The following VEGFC variants were observed in gnomAD, a reference collection of about 807,000 sequenced individuals.
The protein encoded by VEGFC is FLT4 ligand DHM.
In VEGFC, 12 loss-of-function variants were observed where a neutral mutation model predicts 46.1. That is an observed-to-expected ratio of 0.26 (90% CI 0.17 to 0.42). The LOEUF is 0.42. Among genes scored for constraint, VEGFC ranks in the 10% least tolerant of loss-of-function variants. The probability of loss-of-function intolerance (pLI) is 1.00; values close to 1 mark genes in which losing one functional copy is unlikely to be tolerated. For missense variants in VEGFC, 488 were observed against 529.4 expected (o/e 0.92, Z 0.77); for synonymous variants, 232 against 195.5 (o/e 1.19, Z -1.56).
chr4:176,770,248 A>C (rs892553970), intron 1 of VEGFC, among the ~76,000 whole-genome samples: 4 of 152,208 alleles, frequency 2.6e-5, no homozygotes, highest in African/African-American at 9.6e-5. Flanking sequence ...TAATGACTTC[A>C]GTCAGTATTA....
intron 1 of VEGFC, among the ~76,000 whole-genome samples, chr4:176,740,518 G>GAGAGTATATATAACTATATATTCTATAT (rs1735154306): frequency 1.9e-4 from 4 of 21,420 alleles, no homozygotes; most frequent in East Asian, 0.028. Flanking sequence ...TCTATATATA[G>GAGAGTATATATAACTATATATTCTATAT]AGAGTATATA....
chr4:176,744,571 AG>A, intron 1 of VEGFC, among the ~76,000 whole-genome samples: 1 of 152,180 alleles, frequency 6.6e-6, no homozygotes, highest in South Asian at 2.1e-4. Context: ...CATTTAGCAG[AG>A]GAGATTTTGG....
At chr4:176,748,681 A>G (rs1019038958) in intron 1 of VEGFC, among the ~76,000 whole-genome samples, 4 of 152,148 alleles carry the variant, frequency 2.6e-5, no homozygotes, top group African/African-American at 9.6e-5. Flanking sequence ...TATTTCTGAT[A>G]GTAATCAGAA....
chr4:176,733,841 C>T (rs1037777949), intron 1 of VEGFC, among the ~76,000 whole-genome samples: 2 of 151,588 alleles, frequency 1.3e-5, no homozygotes, highest in Non-Finnish European at 3.0e-5. Context: ...AACTTAAACC[C>T]AAAGAAACTA....
In VEGFC at chr4:176,729,653, A is replaced by T. The variant is rs1209681794; in HGVS notation, c.241T>A (p.Tyr81Asn). Residue 81 changes from tyrosine (Y) to asparagine (N), a missense_variant, in exon 2 of 7, where the codon TAC becomes AAC. Physicochemically the swap from Tyr to Asn is moderately radical, Grantham distance 143. Transcript: ENST00000618562. ...CCTCCTTTCCTTAGCTGACACTTGT[A>T]CATTTTCCAATATTCTGGGTAGAGT... ...TVLYPEYWKM[Y>N]KCQLRKGGWQ... is the part of the protein sequence containing the mutation. The T allele has an allele frequency of 6.2e-7, 1 of 1,613,854 alleles. No homozygotes were observed. The highest frequency in any genetic ancestry group is 8.5e-7 in the Non-Finnish European group (1 of 1,179,898).
At chr4:176,750,065 AT>A (rs758074107) in intron 1 of VEGFC, among the ~76,000 whole-genome samples, 6 of 151,692 alleles carry the variant, frequency 4.0e-5, no homozygotes, top group East Asian at 1.9e-4. Context: ...AGAACTAGAG[AT>A]TTTTTTTATT....
intron 1 of VEGFC, among the ~76,000 whole-genome samples, chr4:176,784,756 CAAA>C (rs5864405): frequency 1.7e-4 from 4 of 23,002 alleles, no homozygotes; most frequent in African/African-American, 3.6e-4. Flanking sequence ...GAGTCTGTCT[CAAA>C]AAAAAAAAAA....
At chr4:176,730,459 AT>A (rs552607196) in intron 1 of VEGFC, among the ~76,000 whole-genome samples, 113 of 152,094 alleles carry the variant, frequency 7.4e-4, no homozygotes, top group Non-Finnish European at 1.4e-3. Context: ...AATAAATACA[AT>A]TTTTTTCTAA....
intron 1 of VEGFC, among the ~76,000 whole-genome samples, chr4:176,776,772 T>C (rs1374806597): frequency 6.6e-6 from 1 of 152,270 alleles, no homozygotes; most frequent in East Asian, 1.9e-4. Flanking sequence ...TAGAAAATTG[T>C]TAACATTCAT....
chr4:176,761,792 G>C (rs182532716), intron 1 of VEGFC, among the ~76,000 whole-genome samples: 158 of 152,276 alleles, frequency 1.0e-3, no homozygotes, highest in Admixed American at 0.01. Context: ...TAAAAAGGAA[G>C]TGCTTTCAGG....
intron 1 of VEGFC, among the ~76,000 whole-genome samples, chr4:176,767,223 C>T (rs1357169358): frequency 1.3e-5 from 2 of 150,812 alleles, no homozygotes; most frequent in African/African-American, 4.9e-5. Flanking sequence ...ACAAGCTTGT[C>T]AAAAGATGTC....
At chr4:176,685,176 T>C (rs1270902780) in intron 6 of VEGFC, among the ~76,000 whole-genome samples, 1 of 152,202 alleles carries the variant, frequency 6.6e-6, no homozygotes, top group East Asian at 1.9e-4. Flanking sequence ...TGACATTTCA[T>C]TTATTTGGCT....
chr4:176,715,036 T>G lies in VEGFC; in HGVS notation c.553-3386A>C, dbSNP rs115173295. On this transcript the variant is annotated intron_variant, in intron 3 of 6. Coordinates refer to ENST00000618562, the MANE Select transcript of VEGFC (RefSeq NM_005429.5). Reference sequence around the variant, plus strand: ...TTAGAGAACTGTCTTTTCCTCTAAGTTGAAGACTTTTATAAGTGGTAAAAT... The same window carrying G: ...TTAGAGAACTGTCTTTTCCTCTAAGGTGAAGACTTTTATAAGTGGTAAAAT... 7.1e-3 allele frequency among the ~76,000 whole-genome samples: 1,064 copies of G among 150,012 alleles called. 10 individuals are homozygous for G. The highest frequency in any genetic ancestry group is 0.025 in the African/African-American group (968 of 39,338).
chr4:176,780,290 G>A (rs1735889068), intron 1 of VEGFC, among the ~76,000 whole-genome samples: 1 of 149,548 alleles, frequency 6.7e-6, no homozygotes, highest in South Asian at 2.1e-4. Flanking sequence ...CTGAAGCAGG[G>A]AGAATTGCTT....
chr4:176,714,232 C>T (rs1253412645), intron 3 of VEGFC, among the ~76,000 whole-genome samples: 12 of 152,160 alleles, frequency 7.9e-5, no homozygotes, highest in Admixed American at 2.0e-4. Context: ...CACCATCCTT[C>T]GGTAAGAAGT....
chr4:176,706,625 C>CAAAA lies in VEGFC; in HGVS notation c.704+4870_704+4873dup, dbSNP rs55996370. ...TGGGTGATAGAGTGAGAATCTGTCT[C>CAAAA]AAAAAAAAAAAAAAAAAAAAAAAAA... On this transcript the variant is annotated intron_variant, in intron 4 of 6. Transcript: ENST00000618562. 8.5e-4 allele frequency among the ~76,000 whole-genome samples: 54 copies of CAAAA among 63,462 alleles called. 2 individuals carry two copies. The highest frequency in any genetic ancestry group is 0.014 in the Middle Eastern group (1 of 72). The allele number at this position is 63,462 out of a possible 152,430, so 41.6% of individuals were successfully genotyped here.
chr4:176,759,967 G>T (rs572188375), intron 1 of VEGFC, among the ~76,000 whole-genome samples: 3 of 152,024 alleles, frequency 2.0e-5, no homozygotes, highest in South Asian at 2.1e-4. Flanking sequence ...GAGAAAATAT[G>T]TAAAGAAATA....
At chr4:176,787,857 T>C (rs1736029470) in intron 1 of VEGFC, among the ~76,000 whole-genome samples, 1 of 152,230 alleles carries the variant, frequency 6.6e-6, no homozygotes, top group South Asian at 2.1e-4. Context: ...TGTTTAAAGT[T>C]CTCTGCTATA....
rs375920576 is a variant in VEGFC, at chr4:176,771,659, G to C, written c.147+20506C>G. ...CACTGCAGCAACAAGAAAAGTCTAA[G>C]GTTCTTGTTATCTGGTACCAGTGCT... On this transcript the variant is annotated intron_variant, in intron 1 of 6. Transcript: ENST00000618562. 3.3e-5 allele frequency among the ~76,000 whole-genome samples: 5 copies of C among 152,150 alleles called. No homozygotes were observed. In the East Asian group the frequency reaches 9.6e-4, roughly 29 times the overall value.
Sources: allele counts gnomAD v4.1 joint callset (sites outside exome capture counted in the v4.1 genomes callset), GRCh38; gene constraint gnomAD v4.1.1; transcripts MANE v1.5; gene names NCBI Gene and HGNC (gene_info 2026-07-23, HGNC 2026-07-21).